Variants in MYO18B observed in about 807,000 individuals in gnomAD.
MYO18B encodes myosin XVIIIB, also known as unconventional myosin-XVIIIb.
Under a neutral mutation model 273.0 loss-of-function variants are expected in MYO18B, and 204 were observed. The ratio of observed to expected loss-of-function variants is 0.75; its 90% CI spans 0.67 to 0.84. The LOEUF (loss-of-function observed/expected upper bound fraction) is 0.84. MYO18B is among the 40% of genes least tolerant of loss of function. The probability of loss-of-function intolerance (pLI) is 0.00; values close to 1 mark genes in which losing one functional copy is unlikely to be tolerated. For synonymous variants in MYO18B, 1,330 were observed against 1,305.7 expected (o/e 1.02, Z -0.40); for missense variants, 3,212 against 3,287.6 (o/e 0.98, Z 0.56).
At chr22:25,770,063 G>T (rs889125901) in intron 4 of MYO18B, 47 bp from the exon 5 acceptor site, 2 of 1,588,492 alleles carry the variant, frequency 1.3e-6, no homozygotes, top group African/African-American at 1.3e-5. Context: ...TAGAAGATGG[G>T]CAGCGGTGCC....
rs748043334 is a variant in MYO18B, at chr22:25,823,593, C to T, written c.2610C>T (p.Thr870=). Residue 870 remains threonine, a synonymous_variant, in exon 13 of 44, where the codon ACC becomes ACT. Coordinates refer to ENST00000335473, the MANE Select transcript of MYO18B (RefSeq NM_032608.7). ...GCEYEELNTA[T]FKHHLRQIIQ... ...AGTATGAGGAGCTGAACACGGCCAC[C>T]TTCAAGCACCACCTTCGACAGATCA... 6.2e-7 allele frequency: 1 copy of T among 1,613,974 alleles called. No individual in the cohort carries two copies.
At chr22:25,784,490 T>C (rs750177703) in intron 10 of MYO18B, among the ~76,000 whole-genome samples, 4 of 152,214 alleles carry the variant, frequency 2.6e-5, no homozygotes, top group Non-Finnish European at 5.9e-5. Context: ...GGGGTTGGAC[T>C]TGAAGCCTAG....
intron 1 of MYO18B, among the ~76,000 whole-genome samples, chr22:25,755,945 T>C (rs1284510834): frequency 2.0e-5 from 3 of 151,944 alleles, no homozygotes; most frequent in Admixed American, 2.0e-4. Flanking sequence ...TTGCCCAGGC[T>C]GGAGTGCAGT....
chr22:25,801,024 A>C (rs895857888), intron 12 of MYO18B, among the ~76,000 whole-genome samples: 1 of 152,254 alleles, frequency 6.6e-6, no homozygotes, highest in South Asian at 2.1e-4. Flanking sequence ...GAAAGATTTC[A>C]TAATAGGTTG....
chr22:25,852,408 A>AATG (rs960842107), intron 21 of MYO18B, among the ~76,000 whole-genome samples: 4 of 151,996 alleles, frequency 2.6e-5, no homozygotes, highest in African/African-American at 9.7e-5. Context: ...TGAATGAATG[A>AATG]ATGAATGAAT....
At chr22:25,969,584 T>C (rs766284991) in intron 39 of MYO18B, among the ~76,000 whole-genome samples, 29 of 152,294 alleles carry the variant, frequency 1.9e-4, no homozygotes, top group Non-Finnish European at 3.5e-4. Flanking sequence ...GTCCAAGATA[T>C]ATACTACCTG....
intron 34 of MYO18B, among the ~76,000 whole-genome samples, chr22:25,923,968 C>G (rs912611418): frequency 3.9e-5 from 6 of 152,232 alleles, no homozygotes; most frequent in African/African-American, 1.4e-4. Flanking sequence ...GCGCTTTGAG[C>G]TGAATCAAAG....
At chr22:25,749,416 G>A (rs1043554033) in intron 1 of MYO18B, among the ~76,000 whole-genome samples, 1 of 152,172 alleles carries the variant, frequency 6.6e-6, no homozygotes, top group African/African-American at 2.4e-5. Flanking sequence ...CCACTTGAAG[G>A]GTGTTGTGGT....
In MYO18B at chr22:25,769,318, C is replaced by T; in HGVS notation, c.1402C>T (p.Gln468Ter). The T allele has an allele frequency of 1.3e-6, 2 of 1,579,078 alleles. No homozygotes were observed. The highest frequency in any genetic ancestry group is 1.2e-5 in the South Asian group (1 of 86,018). Reference sequence around the variant, plus strand: ...GGAGACAGAGCTGGAAGGACCCAGCCAGCCTGCTCTGGAGAAGGATGCAGA... The same window carrying T: ...GGAGACAGAGCTGGAAGGACCCAGCTAGCCTGCTCTGGAGAAGGATGCAGA... Reference protein sequence around the residue: ...ALETELEGPSQPALEKDAERP... With the variant: ...ALETELEGPS Residue 468 changes from glutamine to a stop codon, truncating the protein, a stop_gained, in exon 4 of 44, where the codon CAG (glutamine) becomes TAG (stop). Coordinates refer to ENST00000335473, the MANE Select transcript of MYO18B (RefSeq NM_032608.7). LOFTEE classifies it high-confidence loss of function.
At position 26,027,807 on chromosome 22, in the gene MYO18B, AT is replaced by A; in HGVS notation, c.*12+122del. On this transcript the variant is annotated intron_variant, in intron 43 of 43. Transcript: ENST00000335473. This position sits in a 1 kb window ranked among gnomAD's most constrained non-coding sequence, Gnocchi z 4.1. ...ACAACCGATTTCTCTAGAGACCAAG[AT>A]TTTTAGAGGTTTTAGCTGAAGTCAT... 2 of 1,153,224 alleles carry A rather than the reference AT, an allele frequency of 1.7e-6. No individual in the cohort carries two copies. The highest frequency in any genetic ancestry group is 2.4e-6 in the Non-Finnish European group (2 of 838,348). The allele number at this position is 1,153,224 out of a possible 1,614,324, so 71.4% of individuals were successfully genotyped here.
intron 7 of MYO18B, among the ~76,000 whole-genome samples, chr22:25,775,576 A>G (rs954865359): frequency 1.3e-5 from 2 of 152,004 alleles, no homozygotes; most frequent in Admixed American, 6.6e-5. Flanking sequence ...GCCAAATCCA[A>G]TGTCAAGTCT....
intron 10 of MYO18B, among the ~76,000 whole-genome samples, chr22:25,784,264 A>G (rs559422041): frequency 2.0e-5 from 3 of 152,228 alleles, no homozygotes; most frequent in Admixed American, 6.5e-5. Context: ...GGCACCAGGT[A>G]GATGCTTCTT....
At chr22:25,876,676 C>T (rs1182072471) in intron 24 of MYO18B, among the ~76,000 whole-genome samples, 1 of 152,060 alleles carries the variant, frequency 6.6e-6, no homozygotes, top group Non-Finnish European at 1.5e-5. Context: ...TCTCAGACAA[C>T]ACTCTTTTTC....
At chr22:25,897,372 A>C (rs8141239) in intron 28 of MYO18B, 1 of 152,220 alleles carries the variant, frequency 6.6e-6, no homozygotes. Context: ...GATATCCTCT[A>C]TGCTGATGGT....
At chr22:26,025,633 G>A (rs759858996) in intron 42 of MYO18B, among the ~76,000 whole-genome samples, 5 of 152,130 alleles carry the variant, frequency 3.3e-5, no homozygotes, top group African/African-American at 7.2e-5. Flanking sequence ...TGAGGGGAGG[G>A]AATGGGGTCG....
rs773062911 is a variant in MYO18B at position 26,027,182 on chromosome 22, C to A, written c.7208C>A (p.Pro2403Gln). Residue 2403 changes from proline (P) to glutamine (Q), a missense_variant, in exon 43 of 44, where the codon CCG becomes CAG. Coordinates refer to ENST00000335473, the MANE Select transcript of MYO18B (RefSeq NM_032608.7). The surrounding 1 kb of genome is among the most constrained non-coding windows in gnomAD (Gnocchi z 4.1). ...GGCTGTCCAGACCTTGGAAAGGAGC[C>A]GCTTGTTTTCCAGAACCGCCAGTTT... Reference protein sequence around the residue: ...DAGCPDLGKEPLVFQNRQFAH... With the variant: ...DAGCPDLGKEQLVFQNRQFAH... The A allele has an allele frequency of 2.5e-6, 4 of 1,613,976 alleles. No individual in the cohort carries two copies. The highest frequency in any genetic ancestry group is 2.5e-6 in the Non-Finnish European group (3 of 1,179,884).
At chr22:25,990,893 A>G (rs2093263016) in intron 39 of MYO18B, among the ~76,000 whole-genome samples, 1 of 151,622 alleles carries the variant, frequency 6.6e-6, no homozygotes, top group East Asian at 1.9e-4. Context: ...ACAGCAGTCC[A>G]AAAATAAACT....
intron 25 of MYO18B, among the ~76,000 whole-genome samples, chr22:25,882,501 C>T (rs695670): frequency 0.59 from 89,234 of 152,086 alleles, 26,856 homozygotes; most frequent in East Asian, 0.85. Context: ...ATTCACACAG[C>T]AATTGAGAAG....
intron 37 of MYO18B, among the ~76,000 whole-genome samples, chr22:25,951,869 C>A (rs2092796128): frequency 6.6e-6 from 1 of 152,210 alleles, no homozygotes; most frequent in African/African-American, 2.4e-5. Flanking sequence ...AGGAAAGGAA[C>A]TGACTTTCTC....
Sources: allele counts gnomAD v4.1 joint callset (sites outside exome capture counted in the v4.1 genomes callset), GRCh38; gene constraint gnomAD v4.1.1; non-coding constraint Gnocchi (gnomAD v3.1); transcripts MANE v1.5; gene names NCBI Gene and HGNC (gene_info 2026-07-23, HGNC 2026-07-21).